Variants in ELP1 observed in about 807,000 individuals in gnomAD.
ELP1 encodes the protein elongator complex protein 1.
In ELP1, 131 loss-of-function variants were observed where a neutral mutation model predicts 183.2. The ratio of observed to expected loss-of-function variants is 0.72; its 90% confidence interval spans 0.62 to 0.83. ELP1 has a LOEUF of 0.83. Ranked by LOEUF, ELP1 falls within the 40% of genes least tolerant of loss-of-function variation. The pLI, the probability that ELP1 is intolerant of heterozygous loss-of-function variation, is 0.00. For synonymous variants in ELP1, 555 were observed against 569.0 expected, an observed-to-expected ratio of 0.98 and a Z score of 0.35; for missense variants, 1,550 against 1,594.9, an observed-to-expected ratio of 0.97 and a Z score of 0.48.
intron 4 of ELP1, among the ~76,000 whole-genome samples, chr9:108,926,890 AC>A (rs1452658961): frequency 1.3e-5 from 2 of 152,172 alleles, no homozygotes; most frequent in African/African-American, 2.4e-5. Flanking sequence ...TCCCCAAGAT[AC>A]CTCTAAATAT....
chr9:108,883,808 T>C (rs965014790), intron 29 of ELP1, among the ~76,000 whole-genome samples: 1 of 151,128 alleles, frequency 6.6e-6, no homozygotes, highest in African/African-American at 2.4e-5. Flanking sequence ...ACAGTGGAGG[T>C]AAAATGGAAT....
At chr9:108,924,981 T>A (rs1215669030) in intron 5 of ELP1, among the ~76,000 whole-genome samples, 1 of 152,160 alleles carries the variant, frequency 6.6e-6, no homozygotes, top group Non-Finnish European at 1.5e-5. Flanking sequence ...CATGCACATA[T>A]ATTCTAAAAA....
intron 3 of ELP1, among the ~76,000 whole-genome samples, chr9:108,928,786 GA>G (rs1554703336): frequency 4.7e-5 from 7 of 149,380 alleles, no homozygotes; most frequent in African/African-American, 7.3e-5. Flanking sequence ...TTTCAAATAC[GA>G]AAAAAAAACA....
chr9:108,914,001 G>A (rs987320634), intron 10 of ELP1, among the ~76,000 whole-genome samples: 3 of 152,146 alleles, frequency 2.0e-5, no homozygotes, highest in African/African-American at 7.2e-5. Flanking sequence ...ACACTGAACT[G>A]AACTCTTGAG....
In ELP1 at chr9:108,901,842, G is replaced by A. The variant is rs556884900; in HGVS notation, c.1855-161C>T. 8.4e-4 allele frequency among the ~76,000 whole-genome samples: 128 copies of A among 152,204 alleles called. 1 individual carries two copies. The highest frequency in any genetic ancestry group is 2.9e-3 in the African/African-American group (122 of 41,526). ...AGACGTGGCTGGTCCAGTGCAAAAT[G>A]GAATGTGAAGCCATCCAATCCATCA... On this transcript the variant is annotated intron_variant, in intron 16 of 36. Coordinates refer to ENST00000374647, the MANE Select transcript of ELP1 (RefSeq NM_003640.5).
intron 10 of ELP1, among the ~76,000 whole-genome samples, chr9:108,912,819 A>G (rs1489412121): frequency 3.3e-5 from 5 of 149,476 alleles, no homozygotes; most frequent in Admixed American, 2.7e-4. Flanking sequence ...CAGTGGCGCA[A>G]TCTCGGCTCA....
chr9:108,871,380 C>T (rs1023403053), intron 36 of ELP1, among the ~76,000 whole-genome samples: 1 of 152,130 alleles, frequency 6.6e-6, no homozygotes, highest in Non-Finnish European at 1.5e-5. Context: ...ATCAAAAGAA[C>T]TTTAAAAGGC....
intron 1 of ELP1, among the ~76,000 whole-genome samples, chr9:108,933,424 C>A (rs779817669): frequency 4.6e-5 from 7 of 152,218 alleles, no homozygotes; most frequent in Non-Finnish European, 7.3e-5. Flanking sequence ...CCACGGAGAT[C>A]ATCGTTAACG....
chr9:108,918,863 A>C lies in ELP1; in HGVS notation c.688T>G (p.Leu230Val). The change falls in exon 8 of 37, where the codon TTG becomes GTG. Residue 230 changes from leucine (L) to valine (V), a missense_variant. Transcript: ENST00000374647. ...GCCACAGGCTCACTGGTTGACTGCAAAGCAAACTCTCGGTTCCACACTCTG... is the reference window on the plus strand; with the variant it reads ...GCCACAGGCTCACTGGTTGACTGCACAGCAAACTCTCGGTTCCACACTCTG... The part of the protein sequence containing the change: ...KVRVWNREFA[L>V]QSTSEPVAGL... 1 of 1,614,154 alleles carries C rather than the reference A, an allele frequency of 6.2e-7. No homozygotes were observed. Among genetic ancestry groups the C allele is most frequent in the Non-Finnish European group, 8.5e-7 (1 of 1,180,026 alleles).
intron 3 of ELP1, among the ~76,000 whole-genome samples, chr9:108,928,831 T>C (rs900220731): frequency 1.3e-5 from 2 of 152,182 alleles, no homozygotes; most frequent in African/African-American, 2.4e-5. Flanking sequence ...TTTCCCACCA[T>C]GAACTGCAAG....
chr9:108,901,180 T>G (rs1028678381), intron 18 of ELP1, among the ~76,000 whole-genome samples: 1 of 152,226 alleles, frequency 6.6e-6, no homozygotes, highest in Non-Finnish European at 1.5e-5. Flanking sequence ...CTGAAAAGTT[T>G]TTAACTTTAG....
At chr9:108,924,927 T>C (rs894313118) in intron 5 of ELP1, among the ~76,000 whole-genome samples, 1 of 152,192 alleles carries the variant, frequency 6.6e-6, no homozygotes, top group Non-Finnish European at 1.5e-5. Flanking sequence ...TATTTCACTT[T>C]CTAAATTGGT....
At chr9:108,879,921 C>T in intron 32 of ELP1, 131 bp downstream of exon 32, 1 of 727,994 alleles carries the variant, frequency 1.4e-6, no homozygotes, top group South Asian at 1.5e-5. Context: ...GAAGGGGCTC[C>T]ACAGAAGCCT....
Position 108,916,369 on chromosome 9 carries a change from T to C in ELP1, c.865-72A>G, listed in dbSNP as rs3750458. 66,235 of 1,190,284 alleles carry C rather than the reference T, an allele frequency of 0.056. 2,800 individuals are homozygous for C. Among genetic ancestry groups the C allele is most frequent in the Admixed American group, 0.18 (10,357 of 58,958 alleles). The allele number at this position is 1,190,284 out of a possible 1,614,324, so 73.7% of individuals were successfully genotyped here. On this transcript the variant is annotated intron_variant, in intron 9 of 36. Transcript: ENST00000374647. Reference sequence around the variant, plus strand: ...CTTCCAAATCTTTATAATAGCTGTATTTCCTCTCTCAAATCAAATAATCCC... The same window carrying C: ...CTTCCAAATCTTTATAATAGCTGTACTTCCTCTCTCAAATCAAATAATCCC...
chr9:108,872,988 G>T (rs903742865), intron 36 of ELP1, among the ~76,000 whole-genome samples: 13 of 151,998 alleles, frequency 8.6e-5, no homozygotes, highest in Non-Finnish European at 1.6e-4. Context: ...ATGACAGCAG[G>T]ACATGACATA....
intron 5 of ELP1, among the ~76,000 whole-genome samples, chr9:108,925,496 A>G (rs544167824): frequency 2.0e-5 from 3 of 150,694 alleles, no homozygotes; most frequent in African/African-American, 7.3e-5. Context: ...TCAGCTGACT[A>G]CTCCAAACCC....
chr9:108,916,845 A>C (rs1175503306), intron 9 of ELP1, among the ~76,000 whole-genome samples: 1 of 152,218 alleles, frequency 6.6e-6, no homozygotes, highest in African/African-American at 2.4e-5. Context: ...CTCTCAACTT[A>C]GGATGTTTAA....
chr9:108,927,502 T>A (rs879238973), intron 3 of ELP1, 49 bp from the exon 4 acceptor site: 1 of 1,427,208 alleles, frequency 7.0e-7, no homozygotes, highest in Non-Finnish European at 9.9e-7. Flanking sequence ...AGCATCTCAG[T>A]AAAAACTGAC....
chr9:108,905,491 GA>G (rs1342180076), intron 14 of ELP1, among the ~76,000 whole-genome samples: 1 of 152,162 alleles, frequency 6.6e-6, no homozygotes, highest in Non-Finnish European at 1.5e-5. Flanking sequence ...AGAGAACAGT[GA>G]AATTTCAGCA....
Sources: gnomAD v4.1 joint callset for allele counts (sites outside exome capture counted in the v4.1 genomes callset) on GRCh38, gnomAD v4.1.1 for gene constraint, MANE v1.5 for transcripts, NCBI Gene and HGNC (gene_info 2026-07-23, HGNC 2026-07-21) for gene names.